DCC: variants seen among roughly 807,000 people sequenced by gnomAD.
The protein encoded by DCC is netrin receptor DCC.
A neutral mutation model predicts 172.5 loss-of-function variants in DCC; 58 were observed. The ratio of observed to expected loss-of-function variants is 0.34; its 90% CI spans 0.27 to 0.42. The LOEUF (loss-of-function observed/expected upper bound fraction) is 0.42, where lower values mean the gene tolerates loss of function less well. Among genes scored for constraint, DCC ranks in the 10% least tolerant of loss-of-function variants. The pLI is 1.00. For missense variants in DCC, 1,740 were observed against 1,791.0 expected (o/e 0.97, Z 0.51); for synonymous variants, 709 against 644.5 (o/e 1.10, Z -1.52).
intron 1 of DCC, among the ~76,000 whole-genome samples, chr18:52,550,332 T>A (rs909692191): frequency 2.6e-5 from 4 of 151,698 alleles, no homozygotes; most frequent in African/African-American, 4.9e-5. Flanking sequence ...CGTGGTCTCC[T>A]GAACAGAAAA....
intron 12 of DCC, among the ~76,000 whole-genome samples, chr18:53,216,805 CTT>C (rs887008734): frequency 1.8e-4 from 28 of 152,136 alleles, no homozygotes; most frequent in Middle Eastern, 3.4e-3. Context: ...AATAACTAAA[CTT>C]AGTGGAAAAA....
At chr18:52,638,224 T>A (rs1002561243) in intron 1 of DCC, among the ~76,000 whole-genome samples, 1 of 151,496 alleles carries the variant, frequency 6.6e-6, no homozygotes, top group Non-Finnish European at 1.5e-5. Flanking sequence ...CTTTAAAGCA[T>A]AAATCACACA....
intron 21 of DCC, among the ~76,000 whole-genome samples, chr18:53,425,817 C>G (rs1427412011): frequency 6.6e-6 from 1 of 152,048 alleles, no homozygotes; most frequent in Non-Finnish European, 1.5e-5. Context: ...TAATGTCTGC[C>G]TCAGAGATGC....
intron 1 of DCC, among the ~76,000 whole-genome samples, chr18:52,404,663 T>A (rs978638173): frequency 2.0e-5 from 3 of 150,522 alleles, no homozygotes; most frequent in Non-Finnish European, 4.4e-5. Context: ...TTGTTTTCTT[T>A]TTTTTTTTTA....
chr18:52,779,175 T>A (rs116940662), intron 2 of DCC, among the ~76,000 whole-genome samples: 8,026 of 152,252 alleles, frequency 0.053, 287 homozygotes, highest in South Asian at 0.16. Flanking sequence ...TTTTTTATAC[T>A]TTAAGTTCTG....
intron 12 of DCC, among the ~76,000 whole-genome samples, chr18:53,275,475 T>C (rs2056794430): frequency 6.6e-6 from 1 of 152,160 alleles, no homozygotes; most frequent in Non-Finnish European, 1.5e-5. Flanking sequence ...TAGTTCTCTT[T>C]AATTGGTTTT....
At chr18:53,092,963 A>G (rs1313399816) in intron 7 of DCC, among the ~76,000 whole-genome samples, 1 of 124,166 alleles carries the variant, frequency 8.1e-6, no homozygotes, top group African/African-American at 3.6e-5. Flanking sequence ...GATATGAACA[A>G]CTGCATTACT....
At chr18:52,907,189 T>TTA (rs74178691) in intron 3 of DCC, among the ~76,000 whole-genome samples, 2,723 of 148,538 alleles carry the variant, frequency 0.018, 47 homozygotes, top group Middle Eastern at 0.04. Context: ...ATGATATGTA[T>TTA]TATATATATA....
chr18:52,660,028 T>G (rs540608232), intron 1 of DCC, among the ~76,000 whole-genome samples: 2 of 152,258 alleles, frequency 1.3e-5, no homozygotes, highest in East Asian at 1.9e-4. Flanking sequence ...GATGCAGAAT[T>G]TTTTGCCTTC....
At chr18:52,848,385 C>A (rs1242440031) in intron 2 of DCC, among the ~76,000 whole-genome samples, 1 of 152,074 alleles carries the variant, frequency 6.6e-6, no homozygotes, top group African/African-American at 2.4e-5. Context: ...CCATGCCCGG[C>A]CGACTTTTCT....
intron 5 of DCC, among the ~76,000 whole-genome samples, chr18:53,037,485 G>T (rs577351279): frequency 2.0e-5 from 3 of 151,902 alleles, no homozygotes; most frequent in African/African-American, 7.2e-5. Context: ...GTACAGCCTC[G>T]CTCTGTTATC....
intron 2 of DCC, among the ~76,000 whole-genome samples, chr18:52,864,771 TGTG>T (rs943775097): frequency 3.3e-5 from 5 of 151,666 alleles, no homozygotes; most frequent in African/African-American, 9.7e-5. Context: ...AGTGAGAACA[TGTG>T]GTGTTTGGTT....
At chr18:53,193,546 T>A (rs963277638) in intron 9 of DCC, among the ~76,000 whole-genome samples, 1 of 152,158 alleles carries the variant, frequency 6.6e-6, no homozygotes, top group African/African-American at 2.4e-5. Flanking sequence ...CCTAGCCACA[T>A]AGCTTGAGTG....
intron 12 of DCC, among the ~76,000 whole-genome samples, chr18:53,216,410 T>C (rs1024002550): frequency 6.6e-6 from 1 of 152,138 alleles, no homozygotes; most frequent in Admixed American, 6.6e-5. Flanking sequence ...ATGATACAGG[T>C]CTTAGAAAAA....
chr18:52,590,602 G>C (rs1027020448), intron 1 of DCC, among the ~76,000 whole-genome samples: 2 of 152,144 alleles, frequency 1.3e-5, no homozygotes, highest in African/African-American at 2.4e-5. Flanking sequence ...GCGAAGATGA[G>C]GTCTTGCAGT....
intron 1 of DCC, among the ~76,000 whole-genome samples, chr18:52,422,453 T>C (rs1489153018): frequency 3.3e-5 from 5 of 152,184 alleles, no homozygotes; most frequent in Non-Finnish European, 5.9e-5. Context: ...GAAGAGCCTG[T>C]GACATTTATC....
intron 27 of DCC, among the ~76,000 whole-genome samples, chr18:53,512,645 G>T (rs967691797): frequency 2.8e-4 from 42 of 152,076 alleles, no homozygotes; most frequent in African/African-American, 1.0e-3. Context: ...AACCAAGGCT[G>T]GAGAACTATG....
chr18:52,741,351 G>C (rs1292427052), intron 1 of DCC, among the ~76,000 whole-genome samples: 1 of 152,136 alleles, frequency 6.6e-6, no homozygotes, highest in African/African-American at 2.4e-5. Flanking sequence ...AATGACCTCT[G>C]TTCTCAAGAC....
At chr18:52,522,356 C>T (rs1451811514) in intron 1 of DCC, among the ~76,000 whole-genome samples, 1 of 152,040 alleles carries the variant, frequency 6.6e-6, no homozygotes, top group Non-Finnish European at 1.5e-5. Context: ...CTGAGAGATG[C>T]CTCCTCTTGT....
Sources: gnomAD v4.1 joint callset for allele counts (sites outside exome capture counted in the v4.1 genomes callset) on GRCh38, gnomAD v4.1.1 for gene constraint, MANE v1.5 for transcripts, NCBI Gene and HGNC (gene_info 2026-07-23, HGNC 2026-07-21) for gene names.